The following YIPF7 variants were observed in gnomAD, a reference collection of about 807,000 sequenced individuals.
YIPF7 encodes the protein Yip1 domain family member 7, also known as protein YIPF7.
YIPF7 carries 35 observed loss-of-function variants against 27.2 expected under a neutral mutation model. The ratio of observed to expected loss-of-function variants is 1.29; its 90% CI spans 0.98 to 1.70. The LOEUF (loss-of-function observed/expected upper bound fraction) is 1.70. Ranked by LOEUF, YIPF7 falls within the 40% of genes most tolerant of loss-of-function variation. The probability of loss-of-function intolerance (pLI) is 0.00; values close to 1 mark genes in which losing one functional copy is unlikely to be tolerated. For missense variants in YIPF7, 358 were observed against 303.7 expected, an observed-to-expected ratio of 1.18 and a Z score of -1.33; for synonymous variants, 137 against 110.4, an observed-to-expected ratio of 1.24 and a Z score of -1.51.
intron 2 of YIPF7, among the ~76,000 whole-genome samples, chr4:44,644,084 A>G (rs1333681267): frequency 6.6e-6 from 1 of 152,172 alleles, no homozygotes; most frequent in Non-Finnish European, 1.5e-5. Context: ...TGCAACCTGC[A>G]TCTAGAAAAG....
chr4:44,626,534 G>T (rs927817731), intron 4 of YIPF7, among the ~76,000 whole-genome samples: 1 of 152,066 alleles, frequency 6.6e-6, no homozygotes, highest in Admixed American at 6.5e-5. Flanking sequence ...AGCTAATTTG[G>T]TAGTAAAGTT....
In YIPF7 at chr4:44,645,257, T is replaced by A. The variant is rs528598731; in HGVS notation, c.116+4728A>T. On this transcript the variant is annotated intron_variant, in intron 2 of 5. Coordinates refer to ENST00000415895, the MANE Select transcript of YIPF7 (RefSeq NM_182592.3). Reference sequence around the variant, plus strand: ...ACACATATTATGAATTTACATTTAGTCCCCTATGTCTTCTGGTATTTTCCT... The same window carrying A: ...ACACATATTATGAATTTACATTTAGACCCCTATGTCTTCTGGTATTTTCCT... 3.3e-5 allele frequency among the ~76,000 whole-genome samples: 5 copies of A among 152,330 alleles called. No individual in the cohort carries two copies. The East Asian group carries it at 9.6e-4, about 29-fold the overall frequency.
At chr4:44,636,228 A>T in intron 2 of YIPF7, 143 bp from the exon 3 acceptor site, 1 of 905,816 alleles carries the variant, frequency 1.1e-6, no homozygotes, top group Non-Finnish European at 1.6e-6. Flanking sequence ...TTAAAATTTA[A>T]CTTTAGTCCA....
rs764652928 is a variant in YIPF7, at chr4:44,622,529, C to A, written c.656G>T (p.Ser219Ile). 8.1e-6 allele frequency: 13 copies of A among 1,613,914 alleles called. No individual in the cohort carries two copies. Among genetic ancestry groups the A allele is most frequent in the South Asian group, 1.1e-5 (1 of 91,072 alleles). Reference sequence around the variant, plus strand: ...AATGAAGATCTTGGAAGCTGAGAGACTACACCAGCCAATGATGACCAGGGA... The same window carrying A: ...AATGAAGATCTTGGAAGCTGAGAGAATACACCAGCCAATGATGACCAGGGA... Reference protein sequence around the residue: ...MSSLVIIGWCSLSASKIFIAA... With the variant: ...MSSLVIIGWCILSASKIFIAA... Residue 219 changes from serine to isoleucine, a missense_variant, in exon 6 of 6, where the codon AGT becomes ATT. By Grantham distance (142) the Ser-to-Ile change is moderately radical. Coordinates refer to ENST00000415895, the MANE Select transcript of YIPF7 (RefSeq NM_182592.3).
intron 3 of YIPF7, among the ~76,000 whole-genome samples, chr4:44,631,681 T>C (rs931952628): frequency 6.6e-6 from 1 of 152,162 alleles, no homozygotes; most frequent in Non-Finnish European, 1.5e-5. Flanking sequence ...TGCAATTATA[T>C]ATTTATTAAT....
chr4:44,639,158 G>A (rs1419208015), intron 2 of YIPF7, among the ~76,000 whole-genome samples: 1 of 152,006 alleles, frequency 6.6e-6, no homozygotes, highest in Non-Finnish European at 1.5e-5. Flanking sequence ...TCTCAGAATT[G>A]CTTTGGCTAT....
chr4:44,658,624 T>C lies in YIPF7; in HGVS notation c.-2+1825A>G, dbSNP rs188742849. ...TCTGATGTGAAACTGTGCAAGACGA[T>C]CCAATGGAGTAGAGAAAACAACGGT... is the stretch of plus-strand genomic sequence containing the variant. On this transcript the variant is annotated intron_variant, in intron 2 of 2. Transcript: ENST00000508947. 1.2e-3 allele frequency among the ~76,000 whole-genome samples: 178 copies of C among 152,246 alleles called. 2 individuals carry two copies. Among genetic ancestry groups the C allele is most frequent in the Middle Eastern group, 3.4e-3 (1 of 294 alleles).
chr4:44,654,796 C>T (rs548884995), upstream of YIPF7, among the ~76,000 whole-genome samples: 106 of 152,092 alleles, frequency 7.0e-4, no homozygotes, highest in Non-Finnish European at 1.1e-3. Context: ...CTCTCACTAA[C>T]CAATTTCCTC....
chr4:44,642,347 C>T (rs1713353326), intron 2 of YIPF7, among the ~76,000 whole-genome samples: 2 of 152,100 alleles, frequency 1.3e-5, no homozygotes, highest in Non-Finnish European at 2.9e-5. Context: ...AAATTTGTCC[C>T]ATAAAGGAAA....
intron 1 of YIPF7, among the ~76,000 whole-genome samples, chr4:44,650,508 C>CAA (rs35446051): frequency 1.4e-4 from 2 of 14,436 alleles, no homozygotes; most frequent in Non-Finnish European, 4.3e-4. Context: ...CGCGCGCGCG[C>CAA]ACACACACAC....
At chr4:44,647,363 T>C (rs567187736) in intron 2 of YIPF7, among the ~76,000 whole-genome samples, 1 of 152,284 alleles carries the variant, frequency 6.6e-6, no homozygotes, top group Non-Finnish European at 1.5e-5. Context: ...CATTTTAGTT[T>C]AATTTAATCT....
intron 2 of YIPF7, among the ~76,000 whole-genome samples, chr4:44,648,516 A>T (rs1713605073): frequency 6.6e-6 from 1 of 152,154 alleles, no homozygotes; most frequent in Non-Finnish European, 1.5e-5. Flanking sequence ...CTAACATATA[A>T]TAAAAACTCA....
rs1713115162 is a variant in YIPF7, at chr4:44,636,176, T to A, written c.117-91A>T. ...TTACAATTTTACTTACATGAATTCA[T>A]GTAGTTTTTATGAGTATTTACTCAT... is the stretch of plus-strand genomic sequence containing the variant. On this transcript the variant is annotated intron_variant, in intron 2 of 5. Coordinates refer to ENST00000415895, the MANE Select transcript of YIPF7 (RefSeq NM_182592.3). 1.0e-5 allele frequency: 14 copies of A among 1,354,618 alleles called. No homozygotes were observed. The South Asian group carries it at 2.2e-4, about 22-fold the overall frequency. 83.9% of individuals were successfully genotyped at this position (1,354,618 alleles called of 1,614,324 possible). A position where few individuals can be genotyped will look rare whatever the true frequency, so the allele number is the denominator to read the frequency against.
chr4:44,636,474 G>A (rs554082481), intron 2 of YIPF7, among the ~76,000 whole-genome samples: 2 of 152,296 alleles, frequency 1.3e-5, no homozygotes, highest in South Asian at 4.1e-4. Flanking sequence ...GGACTCTGGT[G>A]TGAAGCTTTC....
intron 4 of YIPF7, 176 bp downstream of exon 4, chr4:44,629,227 G>T: frequency 1.6e-6 from 1 of 621,268 alleles, no homozygotes. Flanking sequence ...ATACTTTTTA[G>T]CTGTTGCAAT....
upstream of YIPF7, among the ~76,000 whole-genome samples, chr4:44,655,198 A>G (rs573099494): frequency 3.3e-5 from 5 of 152,190 alleles, no homozygotes; most frequent in South Asian, 8.3e-4. Flanking sequence ...TGGATGAATC[A>G]TAACTATTAT....
chr4:44,651,609 T>G lies in YIPF7; in HGVS notation c.-57A>C. 6.3e-7 allele frequency: 1 copy of G among 1,587,042 alleles called. No homozygotes were observed. Among genetic ancestry groups the G allele is most frequent in the Non-Finnish European group, 8.6e-7 (1 of 1,164,854 alleles). On this transcript the variant is annotated 5_prime_UTR_variant, in exon 1 of 6. Transcript: ENST00000415895. Reference sequence around the variant, plus strand: ...AGTAAATGTAGCTTTGTGTGAGAAATTTTAAGCAAATCCATTGGTGAAAAG... The same window carrying G: ...AGTAAATGTAGCTTTGTGTGAGAAAGTTTAAGCAAATCCATTGGTGAAAAG...
chr4:44,658,653 C>A (rs1324310453), intron 2 of YIPF7, among the ~76,000 whole-genome samples: 1 of 152,110 alleles, frequency 6.6e-6, no homozygotes, highest in Non-Finnish European at 1.5e-5. Flanking sequence ...CAACGGTAGA[C>A]TATTTGTATT....
chr4:44,643,673 T>C (rs1713418640), intron 2 of YIPF7, among the ~76,000 whole-genome samples: 1 of 152,182 alleles, frequency 6.6e-6, no homozygotes, highest in East Asian at 1.9e-4. Context: ...AGGACCCCTC[T>C]TCCCTTCATA....
Sources: allele counts gnomAD v4.1 joint callset (sites outside exome capture counted in the v4.1 genomes callset), GRCh38; gene constraint gnomAD v4.1.1; transcripts MANE v1.5; gene names NCBI Gene and HGNC (gene_info 2026-07-23, HGNC 2026-07-21).